SUPT3H: variants seen among roughly 807,000 people sequenced by gnomAD.
SUPT3H encodes SPT3 homolog, SAGA and STAGA complex component, also known as transcription initiation protein SPT3 homolog.
SUPT3H carries 44 observed loss-of-function variants against 44.3 expected under a neutral mutation model. The ratio of observed to expected loss-of-function variants is 0.99; its 90% CI spans 0.78 to 1.28. The LOEUF is 1.28. SUPT3H is among the 50% of genes most tolerant of loss of function. The probability of loss-of-function intolerance (pLI) is 0.00; values close to 1 mark genes in which losing one functional copy is unlikely to be tolerated. For missense variants in SUPT3H, 380 were observed against 387.1 expected, an observed-to-expected ratio of 0.98 and a Z score of 0.15; for synonymous variants, 124 against 125.6, an observed-to-expected ratio of 0.99 and a Z score of 0.09.
At chr6:44,950,827 TTTA>T (rs1413493107) in intron 9 of SUPT3H, among the ~76,000 whole-genome samples, 48 of 143,948 alleles carry the variant, frequency 3.3e-4, no homozygotes, top group Non-Finnish European at 4.1e-4. Context: ...TGTTTTATTT[TTTA>T]TTATTATTAT....
chr6:45,103,705 G>T (rs1798900657), intron 3 of SUPT3H, among the ~76,000 whole-genome samples: 1 of 152,110 alleles, frequency 6.6e-6, no homozygotes, highest in African/African-American at 2.4e-5. Flanking sequence ...ATGTCAAATG[G>T]TAAAACTTAT....
At chr6:44,863,555 C>T (rs480657) in intron 10 of SUPT3H, among the ~76,000 whole-genome samples, 3,094 of 152,072 alleles carry the variant, frequency 0.02, 42 homozygotes, top group Non-Finnish European at 0.032. Flanking sequence ...AGTGGAAAGA[C>T]GTTGGGGTAG....
chr6:45,122,849 C>T (rs1490115442), intron 2 of SUPT3H, among the ~76,000 whole-genome samples: 2 of 152,148 alleles, frequency 1.3e-5, no homozygotes, highest in Non-Finnish European at 2.9e-5. Context: ...TTGCTAGACT[C>T]TTTCATTTTG....
At chr6:45,000,790 C>T (rs906910316) in intron 6 of SUPT3H, among the ~76,000 whole-genome samples, 3 of 152,008 alleles carry the variant, frequency 2.0e-5, no homozygotes, top group Admixed American at 6.6e-5. Flanking sequence ...TTTTCTGCAC[C>T]CCAAACTGTT....
At chr6:44,977,399 C>T (rs763326977) in intron 6 of SUPT3H, among the ~76,000 whole-genome samples, 7 of 152,188 alleles carry the variant, frequency 4.6e-5, no homozygotes, top group Non-Finnish European at 8.8e-5. Flanking sequence ...GCTATTATTA[C>T]ATTTCCATTT....
At chr6:45,096,048 T>C (rs2153565702) in intron 3 of SUPT3H, among the ~76,000 whole-genome samples, 1 of 152,188 alleles carries the variant, frequency 6.6e-6, no homozygotes, top group African/African-American at 2.4e-5. Flanking sequence ...TTCCAGGAAT[T>C]TCATTAACTC....
At chr6:44,872,673 T>G (rs1329511955) in intron 10 of SUPT3H, among the ~76,000 whole-genome samples, 12 of 94,224 alleles carry the variant, frequency 1.3e-4, no homozygotes, top group Admixed American at 5.1e-4. Flanking sequence ...ATAAATGGAC[T>G]AAATTCTGCA....
intron 2 of SUPT3H, among the ~76,000 whole-genome samples, chr6:45,190,724 C>A (rs1180619379): frequency 2.6e-5 from 4 of 152,026 alleles, no homozygotes; most frequent in African/African-American, 4.8e-5. Flanking sequence ...ATACAAAGAA[C>A]CCTTAAAATT....
chr6:45,306,270 C>T (rs1398729331), intron 2 of SUPT3H, among the ~76,000 whole-genome samples: 1 of 152,320 alleles, frequency 6.6e-6, no homozygotes, highest in East Asian at 1.9e-4. Context: ...GCCACAACTT[C>T]CCTGTTAGGA....
At chr6:44,978,812 C>CCCTA (rs1310640585) in intron 6 of SUPT3H, among the ~76,000 whole-genome samples, 1 of 152,114 alleles carries the variant, frequency 6.6e-6, no homozygotes, top group Non-Finnish European at 1.5e-5. Flanking sequence ...AGGCTAAAAA[C>CCCTA]CCTATAATCA....
chr6:45,264,154 A>G (rs1025496512), intron 2 of SUPT3H, among the ~76,000 whole-genome samples: 1 of 152,202 alleles, frequency 6.6e-6, no homozygotes, highest in Non-Finnish European at 1.5e-5. Flanking sequence ...GAAAACACTT[A>G]TTTTTTAAAA....
chr6:44,950,770 C>T (rs1309641451), intron 9 of SUPT3H, among the ~76,000 whole-genome samples: 1 of 151,278 alleles, frequency 6.6e-6, no homozygotes, highest in Non-Finnish European at 1.5e-5. Flanking sequence ...CAATTCTAAT[C>T]CACTGTACAT....
rs769707831 is a variant in SUPT3H at position 45,322,913 on chromosome 6, C to T, written c.101+42288G>A. On this transcript the variant is annotated intron_variant, in intron 2 of 10. Coordinates refer to ENST00000371459, the MANE Select transcript of SUPT3H (RefSeq NM_003599.4). ...TTGAAGAACGTTGTTCCAAAGACCA[C>T]CATGAGTCCATGGAGAAAAGCCACA... The T allele has an allele frequency of 4.3e-6, 7 of 1,612,970 alleles. No homozygotes were observed. The East Asian group carries it at 1.1e-4, about 26-fold the overall frequency.
intron 3 of SUPT3H, among the ~76,000 whole-genome samples, chr6:45,042,575 T>G (rs1365180678): frequency 2.0e-5 from 3 of 152,154 alleles, no homozygotes; most frequent in Non-Finnish European, 4.4e-5. Flanking sequence ...TAATTATACT[T>G]TAAGTTTTAG....
At chr6:45,070,739 C>CA (rs11393241) in intron 3 of SUPT3H, among the ~76,000 whole-genome samples, 16,855 of 103,122 alleles carry the variant, frequency 0.16, 2,121 homozygotes, top group African/African-American at 0.39. Flanking sequence ...CTGTCTCAAA[C>CA]AAAAAAAAAA....
intron 2 of SUPT3H, among the ~76,000 whole-genome samples, chr6:45,258,034 T>C (rs1773702593): frequency 6.6e-6 from 1 of 152,200 alleles, no homozygotes; most frequent in South Asian, 2.1e-4. Context: ...CCAGAAAACG[T>C]AGCATTCCTA....
chr6:45,023,467 C>T (rs1314835143), intron 3 of SUPT3H, among the ~76,000 whole-genome samples: 1 of 152,088 alleles, frequency 6.6e-6, no homozygotes. Flanking sequence ...ACCATAAAGA[C>T]ACATGCACAC....
intron 2 of SUPT3H, among the ~76,000 whole-genome samples, chr6:45,339,181 A>AGAGT (rs1434700366): frequency 1.3e-5 from 2 of 152,184 alleles, no homozygotes; most frequent in African/African-American, 4.8e-5. Flanking sequence ...AGGGATTGAA[A>AGAGT]GAGTATTCCA....
Position 45,230,660 on chromosome 6 carries a change from G to GCATATATA in SUPT3H, c.102-124655_102-124654insTATATATG, listed in dbSNP as rs765270979. ...TGAAATCATGTTTTAAATTCATTCA[G>GCATATATA]TCTATATATATATATATATATATAT... On this transcript the variant is annotated intron_variant, in intron 2 of 10. Coordinates refer to ENST00000371459, the MANE Select transcript of SUPT3H (RefSeq NM_003599.4). Among the ~76,000 whole-genome samples, 121 of 51,104 alleles carry GCATATATA rather than the reference G, an allele frequency of 2.4e-3. 23 individuals are homozygous for GCATATATA. Among genetic ancestry groups the GCATATATA allele is most frequent in the South Asian group, 5.8e-3 (6 of 1,030 alleles). The allele number at this position is 51,104 out of a possible 152,430, so 33.5% of individuals were successfully genotyped here. A position where few individuals can be genotyped will look rare whatever the true frequency, so the allele number is the denominator to read the frequency against.
Sources: gnomAD v4.1 joint callset for allele counts (sites outside exome capture counted in the v4.1 genomes callset) on GRCh38, gnomAD v4.1.1 for gene constraint, MANE v1.5 for transcripts, NCBI Gene and HGNC (gene_info 2026-07-23, HGNC 2026-07-21) for gene names.